The following MEIS2 variants were observed in gnomAD, a reference collection of about 807,000 sequenced individuals.
MEIS2 encodes the protein homeobox protein Meis2.
MEIS2 carries 9 observed loss-of-function variants against 58.6 expected under a neutral mutation model. The observed-to-expected ratio is 0.15, with a 90% CI of 0.09 to 0.27. MEIS2 has a LOEUF of 0.27. Among genes scored for constraint, MEIS2 ranks in the 10% least tolerant of loss-of-function variants. The pLI, the probability that MEIS2 is intolerant of heterozygous loss-of-function variation, is 1.00. For synonymous variants in MEIS2, 221 were observed against 228.4 expected (o/e 0.97, Z 0.29); for missense variants, 427 against 635.0 (o/e 0.67, Z 3.52).
chr15:36,906,343 G>C (rs943983437), intron 9 of MEIS2, among the ~76,000 whole-genome samples: 2 of 152,024 alleles, frequency 1.3e-5, no homozygotes, highest in Non-Finnish European at 2.9e-5. Context: ...TCCAATCCAG[G>C]CAGAAGAGGG....
intron 7 of MEIS2, among the ~76,000 whole-genome samples, chr15:37,054,475 G>A (rs1250327142): frequency 6.6e-6 from 1 of 152,150 alleles, no homozygotes; most frequent in Non-Finnish European, 1.5e-5. Context: ...GGACTGCCGT[G>A]GAATGATCAC....
rs66770353 is a variant in MEIS2 at position 37,031,815 on chromosome 15, T to TTGTGTGTGTGTG, written c.900+4987_900+4998dup. Among the ~76,000 whole-genome samples the TTGTGTGTGTGTG allele has an allele frequency of 1.3e-4, 17 of 134,206 alleles. 1 individual carries two copies. In the Middle Eastern group the frequency reaches 0.013, roughly 100 times the overall value. 88.0% of individuals were successfully genotyped at this position (134,206 alleles called of 152,430 possible). A position where few individuals can be genotyped will look rare whatever the true frequency, so the allele number is the denominator to read the frequency against. ...GCTGCATACATAATATTACATCACT[T>TTGTGTGTGTGTG]TGTGTGTGTGTGTGTGTGTGTGTGT... On this transcript the variant is annotated intron_variant, in intron 8 of 11. Coordinates refer to ENST00000561208, the MANE Select transcript of MEIS2 (RefSeq NM_170675.5).
chr15:36,927,620 C>CT (rs139030251), intron 9 of MEIS2, among the ~76,000 whole-genome samples: 12,296 of 151,996 alleles, frequency 0.081, 1,154 homozygotes, highest in African/African-American at 0.22. Flanking sequence ...ACACCTTTTT[C>CT]TTTTTTTAAA....
In MEIS2 at chr15:37,094,464, T is replaced by G. The variant is rs1408225174; in HGVS notation, c.489+63A>C. On this transcript the variant is annotated intron_variant, in intron 5 of 11. Transcript: ENST00000561208. ...TCACACTAGAGGTTTGTTAAAAACA[T>G]CCCAACTCAACTAGGAGAGGGAAAT... 2.0e-6 allele frequency: 3 copies of G among 1,536,890 alleles called. No individual in the cohort carries two copies. The East Asian group carries it at 6.8e-5, about 35-fold the overall frequency.
At chr15:36,969,355 C>T (rs1054597870) in intron 8 of MEIS2, among the ~76,000 whole-genome samples, 2 of 152,152 alleles carry the variant, frequency 1.3e-5, no homozygotes, top group Non-Finnish European at 2.9e-5. Flanking sequence ...ATCTTCTCCT[C>T]TACTGCACAA....
intron 8 of MEIS2, among the ~76,000 whole-genome samples, chr15:36,992,392 A>G (rs2060328076): frequency 6.6e-6 from 1 of 152,200 alleles, no homozygotes; most frequent in Non-Finnish European, 1.5e-5. Context: ...TTAAGCAAGC[A>G]GATGTACATT....
rs891288861 is a variant in MEIS2, at chr15:36,941,618, A to T, written c.977+8706T>A. ...CTAATATCCAAAATCTAGGTTCAAA[A>T]TATAAGACAGTTTGACTTTGAAATT... On this transcript the variant is annotated intron_variant, in intron 9 of 11. Coordinates refer to ENST00000561208, the MANE Select transcript of MEIS2 (RefSeq NM_170675.5). Among the ~76,000 whole-genome samples, 10 of 152,242 alleles carry T rather than the reference A, an allele frequency of 6.6e-5. No homozygotes were observed. In the East Asian group the frequency reaches 1.9e-3, roughly 29 times the overall value.
intron 9 of MEIS2, among the ~76,000 whole-genome samples, chr15:36,920,901 T>G (rs1189280655): frequency 1.3e-5 from 2 of 152,158 alleles, no homozygotes; most frequent in Non-Finnish European, 2.9e-5. Context: ...AAGCTGAAAT[T>G]TAACCAGCGC....
At chr15:36,974,283 C>A (rs920656249) in intron 8 of MEIS2, among the ~76,000 whole-genome samples, 1 of 152,126 alleles carries the variant, frequency 6.6e-6, no homozygotes, top group Admixed American at 6.6e-5. Flanking sequence ...ATATTTCAAG[C>A]TCCTACATAG....
chr15:36,975,451 G>C (rs1185740313), intron 8 of MEIS2, among the ~76,000 whole-genome samples: 1 of 138,832 alleles, frequency 7.2e-6, no homozygotes, highest in African/African-American at 2.7e-5. Flanking sequence ...CCAGGCGGTG[G>C]GTTTATAAAA....
chr15:36,976,308 A>T lies in MEIS2; in HGVS notation c.901-25908T>A, dbSNP rs542504590. 5.2e-4 allele frequency among the ~76,000 whole-genome samples: 79 copies of T among 151,374 alleles called. No homozygotes were observed. In the Middle Eastern group the frequency reaches 0.01, roughly 20 times the overall value. ...ACCATGTTGGCCAGGCTGGTCTCGAACTCCTGACCTTGTGATTCACCCGCC... is the reference window on the plus strand; with the variant it reads ...ACCATGTTGGCCAGGCTGGTCTCGATCTCCTGACCTTGTGATTCACCCGCC... On this transcript the variant is annotated intron_variant, in intron 8 of 11. Coordinates refer to ENST00000561208, the MANE Select transcript of MEIS2 (RefSeq NM_170675.5).
At chr15:36,945,068 A>T (rs1208910006) in intron 9 of MEIS2, among the ~76,000 whole-genome samples, 1 of 151,994 alleles carries the variant, frequency 6.6e-6, no homozygotes, top group Non-Finnish European at 1.5e-5. Context: ...GACAACATAC[A>T]CACCTTTGAA....
At position 37,098,166 on chromosome 15, in the gene MEIS2, C is replaced by T; in HGVS notation, c.46G>A (p.Gly16Arg). 6.2e-7 allele frequency: 1 copy of T among 1,603,228 alleles called. No individual in the cohort carries two copies. Among genetic ancestry groups the T allele is most frequent in the Admixed American group, 1.7e-5 (1 of 59,362 alleles). ...TACATGGAAGCGGGAACCCCTACTC[C>T]GTCCATCCCGCCGTAATGGGGCAGC... is the stretch of plus-strand genomic sequence containing the variant. ...DELPHYGGMD[G>R]VGVPASMYGD... is the part of the protein sequence containing the mutation. The change falls in exon 2 of 12, where the codon GGA becomes AGA. Residue 16 changes from glycine (G) to arginine (R), a missense_variant. This residue lies in a region of MEIS2 where 103 missense variants were observed against 111.8 expected (regional missense o/e 0.92). Coordinates refer to ENST00000561208, the MANE Select transcript of MEIS2 (RefSeq NM_170675.5).
At position 37,095,627 on chromosome 15, in the gene MEIS2, G is replaced by A. The variant is rs1159584199; in HGVS notation, c.388-13C>T. Reference sequence around the variant, plus strand: ...TTTCGGCGCGAACCTGTAAGAAACAGAGAGTCAACTTGAACGATCACCCCA... The same window carrying A: ...TTTCGGCGCGAACCTGTAAGAAACAAAGAGTCAACTTGAACGATCACCCCA... On this transcript the variant is annotated splice_polypyrimidine_tract_variant and intron_variant, in intron 3 of 11. Transcript: ENST00000561208. 1.2e-6 allele frequency: 2 copies of A among 1,613,604 alleles called. No homozygotes were observed. Among genetic ancestry groups the A allele is most frequent in the East Asian group, 4.5e-5 (2 of 44,890 alleles).
chr15:37,035,708 G>A (rs1040992940), intron 8 of MEIS2, among the ~76,000 whole-genome samples: 3 of 152,132 alleles, frequency 2.0e-5, no homozygotes, highest in Non-Finnish European at 2.9e-5. Flanking sequence ...CAAAATGGCC[G>A]ATTTAGGAAT....
intron 9 of MEIS2, among the ~76,000 whole-genome samples, chr15:36,948,326 A>G (rs184977030): frequency 1.5e-4 from 23 of 152,048 alleles, no homozygotes; most frequent in African/African-American, 5.1e-4. Flanking sequence ...TTGGGGCTCA[A>G]TGGAATTCAG....
chr15:37,048,082 A>G (rs2062752644), intron 7 of MEIS2, among the ~76,000 whole-genome samples: 1 of 152,208 alleles, frequency 6.6e-6, no homozygotes, highest in Non-Finnish European at 1.5e-5. Flanking sequence ...CTCTGAATCA[A>G]CAGGTCTTTC....
At chr15:37,020,530 A>C (rs1160995513) in intron 8 of MEIS2, among the ~76,000 whole-genome samples, 1 of 152,140 alleles carries the variant, frequency 6.6e-6, no homozygotes, top group African/African-American at 2.4e-5. Flanking sequence ...TCCTGCCTCC[A>C]TCCAGGTGCT....
chr15:36,923,453 C>T (rs1299949482), intron 9 of MEIS2, among the ~76,000 whole-genome samples: 1 of 152,112 alleles, frequency 6.6e-6, no homozygotes, highest in African/African-American at 2.4e-5. Flanking sequence ...CTATGGCCAC[C>T]ATACATCCTT....
Sources: gnomAD v4.1 joint callset for allele counts (sites outside exome capture counted in the v4.1 genomes callset) on GRCh38, gnomAD v4.1.1 for gene constraint, gnomAD v4.1.1 regional missense constraint, MANE v1.5 for transcripts, NCBI Gene and HGNC (gene_info 2026-07-23, HGNC 2026-07-21) for gene names.